ARMH4: variants seen among roughly 807,000 people sequenced by gnomAD.
The protein encoded by ARMH4 is armadillo like helical domain containing 4, also known as armadillo-like helical domain-containing protein 4.
In ARMH4, 49 loss-of-function variants were observed where a neutral mutation model predicts 61.9. The ratio of observed to expected loss-of-function variants is 0.79; its 90% CI spans 0.63 to 1.00. ARMH4 has a LOEUF of 1.00. Ranked by LOEUF, ARMH4 falls within the 50% of genes least tolerant of loss-of-function variation. The pLI is 0.00. For synonymous variants in ARMH4, 368 were observed against 341.5 expected, an observed-to-expected ratio of 1.08 and a Z score of -0.85; for missense variants, 934 against 930.0, an observed-to-expected ratio of 1.00 and a Z score of -0.06.
intron 4 of ARMH4, among the ~76,000 whole-genome samples, chr14:58,102,329 T>G (rs986603571): frequency 2.0e-5 from 3 of 152,102 alleles, no homozygotes; most frequent in Non-Finnish European, 4.4e-5. Flanking sequence ...ACTTGACATG[T>G]GTTTTGGAGA....
chr14:58,015,702 A>G lies in ARMH4; in HGVS notation c.2090-3552T>C, dbSNP rs369311814. Among the ~76,000 whole-genome samples, 22 of 151,706 alleles carry G rather than the reference A, an allele frequency of 1.5e-4. No homozygotes were observed. In the East Asian group the frequency reaches 4.3e-3, roughly 29 times the overall value. ...TTTAAAACTTAAGGAGTAGAAAATGATAAGAGAATGCAATGCAAGAAGAAA... is the reference window on the plus strand; with the variant it reads ...TTTAAAACTTAAGGAGTAGAAAATGGTAAGAGAATGCAATGCAAGAAGAAA... On this transcript the variant is annotated intron_variant, in intron 5 of 7. Transcript: ENST00000267485.
At chr14:58,107,763 CAAAAAAAAAAAA>C (rs34507217) in intron 4 of ARMH4, among the ~76,000 whole-genome samples, 1 of 97,340 alleles carries the variant, frequency 1.0e-5, no homozygotes, top group South Asian at 3.5e-4. Context: ...GACTCCATCT[CAAAAAAAAAAAA>C]AAAAAAAAAA....
At chr14:58,015,023 C>T (rs1882555762) in intron 5 of ARMH4, among the ~76,000 whole-genome samples, 1 of 152,160 alleles carries the variant, frequency 6.6e-6, no homozygotes, top group Admixed American at 6.5e-5. Context: ...GAAAAGGAGG[C>T]AAAGACCAGC....
intron 3 of ARMH4, among the ~76,000 whole-genome samples, chr14:58,132,162 A>T (rs1026709046): frequency 2.0e-5 from 3 of 152,246 alleles, no homozygotes; most frequent in African/African-American, 7.2e-5. Flanking sequence ...TCAATTTAAA[A>T]GCAGCCAAAT....
chr14:58,138,382 C>T lies in ARMH4; in HGVS notation c.977G>A (p.Arg326Lys). Residue 326 changes from arginine to lysine, a missense_variant, in exon 2 of 8, where the codon AGG (arginine) becomes AAG (lysine). Physicochemically the swap from Arg to Lys is conservative, Grantham distance 26. Transcript: ENST00000267485. ...TTCATTGTCTCCAAGCTTGGGGGTC[C>T]TTATCCGGCTTACACTCTCTAATTT... is the stretch of plus-strand genomic sequence containing the variant. ...DTKLESVSRI[R>K]TPKLGDNEET... is the part of the protein sequence containing the mutation. 6.2e-7 allele frequency: 1 copy of T among 1,614,176 alleles called. No homozygotes were observed. The highest frequency in any genetic ancestry group is 8.5e-7 in the Non-Finnish European group (1 of 1,180,026).
At chr14:58,020,399 C>T (rs1882780807) in intron 5 of ARMH4, among the ~76,000 whole-genome samples, 1 of 152,172 alleles carries the variant, frequency 6.6e-6, no homozygotes, top group Non-Finnish European at 1.5e-5. Context: ...AAATGTGCTT[C>T]TCTTTCTGCC....
At chr14:58,049,553 A>T (rs1442134780) in intron 5 of ARMH4, among the ~76,000 whole-genome samples, 1 of 152,194 alleles carries the variant, frequency 6.6e-6, no homozygotes, top group African/African-American at 2.4e-5. Flanking sequence ...ACCTTTGATT[A>T]AGCTTCTGCA....
intron 5 of ARMH4, among the ~76,000 whole-genome samples, chr14:58,034,234 G>C (rs969767726): frequency 7.4e-6 from 1 of 134,998 alleles, no homozygotes; most frequent in South Asian, 2.5e-4. Flanking sequence ...CCAGAAGAGA[G>C]TGGGGGCCAA....
chr14:58,021,649 A>G (rs1028411725), intron 5 of ARMH4, among the ~76,000 whole-genome samples: 26 of 152,170 alleles, frequency 1.7e-4, no homozygotes, highest in Admixed American at 2.6e-4. Context: ...TCCATCACAG[A>G]GTGAGACTGG....
At chr14:58,046,278 T>C (rs1468127857) in intron 5 of ARMH4, among the ~76,000 whole-genome samples, 2 of 152,164 alleles carry the variant, frequency 1.3e-5, no homozygotes, top group African/African-American at 4.8e-5. Flanking sequence ...GTAGCAGTAA[T>C]CAAGAACTTG....
intron 5 of ARMH4, among the ~76,000 whole-genome samples, chr14:58,085,576 T>C (rs909227485): frequency 6.6e-6 from 1 of 152,166 alleles, no homozygotes; most frequent in African/African-American, 2.4e-5. Flanking sequence ...GGAAAAGTGA[T>C]TGCTGAATTT....
intron 4 of ARMH4, 153 bp downstream of exon 4, chr14:58,131,359 A>G (rs1236822638): frequency 1.8e-6 from 1 of 551,738 alleles, no homozygotes; most frequent in East Asian, 2.9e-5. Context: ...ATTCAAAAAC[A>G]AGTGGCAGGC....
At chr14:58,125,912 G>C (rs1188704853) in intron 4 of ARMH4, among the ~76,000 whole-genome samples, 2 of 152,120 alleles carry the variant, frequency 1.3e-5, no homozygotes, top group Non-Finnish European at 1.5e-5. Flanking sequence ...CATGGGGCTT[G>C]CAACTTAGCT....
At chr14:58,049,238 C>CA (rs535936500) in intron 5 of ARMH4, among the ~76,000 whole-genome samples, 1,418 of 63,518 alleles carry the variant, frequency 0.022, 12 homozygotes, top group Middle Eastern at 0.055. Flanking sequence ...GACTCCGTCC[C>CA]AAAAAAAAAA....
intron 4 of ARMH4, chr14:58,101,225 T>C (rs1200386461): frequency 6.6e-6 from 1 of 152,266 alleles, no homozygotes; most frequent in African/African-American, 2.4e-5. Context: ...TGTTTACAAA[T>C]TGGTATCAGG....
At chr14:58,043,688 T>C (rs952765077) in intron 5 of ARMH4, among the ~76,000 whole-genome samples, 3 of 152,228 alleles carry the variant, frequency 2.0e-5, no homozygotes, top group South Asian at 2.1e-4. Flanking sequence ...GTTGACATGA[T>C]TGTATATCTA....
intron 4 of ARMH4, 182 bp downstream of exon 4, chr14:58,131,330 C>A (rs1887087910): frequency 6.2e-6 from 3 of 485,026 alleles, no homozygotes; most frequent in South Asian, 4.4e-5. Flanking sequence ...ATGTAAAAAC[C>A]ATTCTTAGCT....
rs536770071 is a variant in ARMH4 at position 58,004,257 on chromosome 14, T to C, written c.*479A>G. 1.3e-5 allele frequency: 2 copies of C among 152,860 alleles called. No homozygotes were observed. The highest frequency in any genetic ancestry group is 2.9e-5 in the Non-Finnish European group (2 of 68,438). The allele number at this position is 152,860 out of a possible 1,614,324, so 9.5% of individuals were successfully genotyped here. On this transcript the variant is annotated 3_prime_UTR_variant, in exon 8 of 8. Coordinates refer to ENST00000267485, the MANE Select transcript of ARMH4 (RefSeq NM_001001872.4). ...TGAGTTACTGCTAGTTTGATGCAAA[T>C]GCAGTATGTACCATGGCCCACAACC...
intron 5 of ARMH4, among the ~76,000 whole-genome samples, chr14:58,078,306 A>G (rs1260069169): frequency 1.3e-5 from 2 of 152,152 alleles, no homozygotes; most frequent in Non-Finnish European, 2.9e-5. Context: ...TATCCCACAC[A>G]TGCCAAGACC....
Sources: gnomAD v4.1 joint callset for allele counts (sites outside exome capture counted in the v4.1 genomes callset) on GRCh38, gnomAD v4.1.1 for gene constraint, MANE v1.5 for transcripts, NCBI Gene and HGNC (gene_info 2026-07-23, HGNC 2026-07-21) for gene names.